The following MAML3 variants were observed in gnomAD, a reference collection of about 807,000 sequenced individuals.
MAML3 encodes the protein mastermind like transcriptional coactivator 3.
A neutral mutation model predicts 101.9 loss-of-function variants in MAML3; 27 were observed. The observed-to-expected ratio is 0.27, with a 90% CI of 0.20 to 0.37. The LOEUF is 0.37. Ranked by LOEUF, MAML3 falls within the 10% of genes least tolerant of loss-of-function variation. MAML3 has a pLI of 1.00. For missense variants in MAML3, 1,316 were observed against 1,444.9 expected (o/e 0.91, Z 1.45); for synonymous variants, 501 against 555.9 (o/e 0.90, Z 1.39).
chr4:140,151,972 C>T (rs1421613044), intron 1 of MAML3, among the ~76,000 whole-genome samples: 3 of 152,194 alleles, frequency 2.0e-5, no homozygotes, highest in African/African-American at 7.2e-5. Context: ...GCAGGGGGCG[C>T]CAAGCGGAGA....
chr4:139,828,170 A>C (rs79606258), intron 2 of MAML3, among the ~76,000 whole-genome samples: 1,587 of 152,348 alleles, frequency 0.01, 28 homozygotes, highest in African/African-American at 0.036. Flanking sequence ...TAGAAAAAAA[A>C]CAATTATAAC....
intron 1 of MAML3, among the ~76,000 whole-genome samples, chr4:139,927,059 T>G (rs1321371519): frequency 1.1e-5 from 1 of 94,810 alleles, no homozygotes; most frequent in African/African-American, 4.4e-5. Context: ...TTTAATGAGT[T>G]TTTTTCTTTT....
intron 2 of MAML3, among the ~76,000 whole-genome samples, chr4:139,830,146 T>C (rs1731135222): frequency 1.3e-5 from 2 of 152,184 alleles, no homozygotes; most frequent in African/African-American, 2.4e-5. Context: ...AATCACTCCA[T>C]ATCCAAAAAA....
chr4:139,830,995 G>T (rs564860255), intron 2 of MAML3, among the ~76,000 whole-genome samples: 6 of 152,104 alleles, frequency 3.9e-5, no homozygotes, highest in South Asian at 2.1e-4. Context: ...AGGGCATATT[G>T]GGTACTCCAC....
intron 1 of MAML3, among the ~76,000 whole-genome samples, chr4:139,993,045 G>A (rs541022313): frequency 3.3e-5 from 5 of 152,290 alleles, no homozygotes; most frequent in African/African-American, 1.2e-4. Context: ...TTGGCTGCAA[G>A]AGTGTTTAAA....
intron 1 of MAML3, among the ~76,000 whole-genome samples, chr4:139,916,233 G>A (rs1733026420): frequency 6.6e-6 from 1 of 152,070 alleles, no homozygotes. Flanking sequence ...TCCTGAGATA[G>A]GAAAAAAAGG....
intron 1 of MAML3, among the ~76,000 whole-genome samples, chr4:140,061,099 C>G (rs1241392068): frequency 6.6e-6 from 1 of 152,204 alleles, no homozygotes; most frequent in East Asian, 1.9e-4. Flanking sequence ...GTGGTCCCCA[C>G]AAGCAGAATT....
At chr4:140,128,384 A>G (rs1363888600) in intron 1 of MAML3, among the ~76,000 whole-genome samples, 2 of 152,182 alleles carry the variant, frequency 1.3e-5, no homozygotes, top group Middle Eastern at 3.2e-3. Flanking sequence ...AGGGCTAAAA[A>G]TCAACTAAGT....
At chr4:139,950,511 C>A (rs927716286) in intron 1 of MAML3, among the ~76,000 whole-genome samples, 2 of 152,198 alleles carry the variant, frequency 1.3e-5, no homozygotes, top group South Asian at 2.1e-4. Context: ...TCCCTCCTAT[C>A]ACCTTTTTCA....
chr4:139,979,906 G>A (rs1030770305), intron 1 of MAML3, among the ~76,000 whole-genome samples: 2 of 152,164 alleles, frequency 1.3e-5, no homozygotes, highest in Admixed American at 6.5e-5. Context: ...TAAGGCAGTG[G>A]TTCTCTGGAA....
chr4:139,843,388 A>G (rs777386202), intron 2 of MAML3, among the ~76,000 whole-genome samples: 1 of 152,202 alleles, frequency 6.6e-6, no homozygotes, highest in Non-Finnish European at 1.5e-5. Flanking sequence ...AAATAACTTG[A>G]TATATCACAA....
At position 139,988,210 on chromosome 4, in the gene MAML3, C is replaced by T. The variant is rs1193001454; in HGVS notation, c.469-97243G>A. Among the ~76,000 whole-genome samples, 3 of 150,956 alleles carry T rather than the reference C, an allele frequency of 2.0e-5. No homozygotes were observed. The East Asian group carries it at 5.8e-4, about 29-fold the overall frequency. ...GGCCTGGTGGTGTGTGACTGTAATC[C>T]CAGCTACTCGGGAGGCTGAGGCAGA... On this transcript the variant is annotated intron_variant, in intron 1 of 4. Coordinates refer to ENST00000509479, the MANE Select transcript of MAML3 (RefSeq NM_018717.5).
chr4:139,978,090 G>T (rs994455856), intron 1 of MAML3, among the ~76,000 whole-genome samples: 4 of 152,154 alleles, frequency 2.6e-5, no homozygotes, highest in African/African-American at 4.8e-5. Flanking sequence ...GGCCCCAGCT[G>T]GTCAGTTTCA....
chr4:139,977,610 C>T (rs1274915561), intron 1 of MAML3, among the ~76,000 whole-genome samples: 2 of 152,176 alleles, frequency 1.3e-5, no homozygotes, highest in African/African-American at 2.4e-5. Context: ...CGGTAGCTCA[C>T]GCCTGTAATC....
chr4:139,845,834 G>A (rs1213935384), intron 2 of MAML3, among the ~76,000 whole-genome samples: 2 of 152,192 alleles, frequency 1.3e-5, no homozygotes, highest in Non-Finnish European at 2.9e-5. Flanking sequence ...TTTTCAAAAT[G>A]ATTTTTATTT....
At chr4:140,008,303 C>T (rs998733345) in intron 1 of MAML3, among the ~76,000 whole-genome samples, 42 of 152,132 alleles carry the variant, frequency 2.8e-4, no homozygotes, top group African/African-American at 9.4e-4. Context: ...GCCCAGATCG[C>T]GCCACTGCAC....
intron 1 of MAML3, among the ~76,000 whole-genome samples, chr4:139,892,796 T>G (rs1378589749): frequency 1.3e-5 from 2 of 151,960 alleles, no homozygotes; most frequent in African/African-American, 2.4e-5. Context: ...CCGGGCGTGG[T>G]GGCGGGCGCC....
intron 1 of MAML3, among the ~76,000 whole-genome samples, chr4:139,922,881 C>T (rs1184904608): frequency 6.6e-6 from 1 of 152,156 alleles, no homozygotes; most frequent in African/African-American, 2.4e-5. Context: ...CAGCATTGGC[C>T]AGCAGTAGTG....
chr4:140,096,048 T>C (rs1412372713), intron 1 of MAML3, among the ~76,000 whole-genome samples: 4 of 152,246 alleles, frequency 2.6e-5, no homozygotes, highest in Non-Finnish European at 5.9e-5. Context: ...ATTTGTACTT[T>C]CAGATTACTA....
Sources: allele counts gnomAD v4.1 joint callset (sites outside exome capture counted in the v4.1 genomes callset), GRCh38; gene constraint gnomAD v4.1.1; transcripts MANE v1.5; gene names NCBI Gene and HGNC (gene_info 2026-07-23, HGNC 2026-07-21).